The following KCNMB2 variants were observed in gnomAD, a reference collection of about 807,000 sequenced individuals.
The protein encoded by KCNMB2 is potassium calcium-activated channel subfamily M regulatory beta subunit 2.
A neutral mutation model predicts 24.5 loss-of-function variants in KCNMB2; 9 were observed. The observed-to-expected ratio is 0.37, with a 90% confidence interval of 0.22 to 0.64. The LOEUF (loss-of-function observed/expected upper bound fraction) is 0.64. Ranked by LOEUF, KCNMB2 falls within the 30% of genes least tolerant of loss-of-function variation. The pLI is 0.63. For missense variants in KCNMB2, 226 were observed against 284.3 expected, an observed-to-expected ratio of 0.79 and a Z score of 1.47; for synonymous variants, 109 against 104.4, an observed-to-expected ratio of 1.04 and a Z score of -0.27.
chr3:178,623,978 C>T (rs1577056249), intron 1 of KCNMB2, among the ~76,000 whole-genome samples: 1 of 152,284 alleles, frequency 6.6e-6, no homozygotes, highest in African/African-American at 2.4e-5. Context: ...ACAATAGCAT[C>T]ACAGGTATGA....
At chr3:178,728,155 T>C (rs777475433) in intron 1 of KCNMB2, among the ~76,000 whole-genome samples, 30 of 152,198 alleles carry the variant, frequency 2.0e-4, no homozygotes, top group Non-Finnish European at 4.1e-4. Context: ...TGGCAATGCA[T>C]ATTAATATTG....
At chr3:178,576,792 G>T (rs1364679161) in intron 1 of KCNMB2, among the ~76,000 whole-genome samples, 4 of 152,210 alleles carry the variant, frequency 2.6e-5, no homozygotes, top group African/African-American at 9.6e-5. Context: ...TGCCTGTCTA[G>T]ATTCATCCTC....
chr3:178,668,822 T>C (rs1341969890), intron 1 of KCNMB2, among the ~76,000 whole-genome samples: 2 of 152,176 alleles, frequency 1.3e-5, no homozygotes, highest in Non-Finnish European at 2.9e-5. Context: ...AGCAAGTGAT[T>C]ATAACATTAA....
intron 1 of KCNMB2, among the ~76,000 whole-genome samples, chr3:178,702,511 G>A (rs960784288): frequency 6.6e-6 from 1 of 151,956 alleles, no homozygotes; most frequent in Admixed American, 6.6e-5. Context: ...GCCTGGTTGA[G>A]TGTGAAACTG....
At chr3:178,751,882 T>C (rs562427916) in intron 1 of KCNMB2, among the ~76,000 whole-genome samples, 4 of 152,360 alleles carry the variant, frequency 2.6e-5, no homozygotes, top group East Asian at 1.9e-4. Context: ...GCTTTGCAGA[T>C]GTTACTTCTC....
intron 1 of KCNMB2, among the ~76,000 whole-genome samples, chr3:178,775,222 A>AT (rs1014976563): frequency 6.6e-6 from 1 of 152,060 alleles, no homozygotes; most frequent in East Asian, 1.9e-4. Flanking sequence ...CATAAATTAC[A>AT]TTTTTTTTAA....
At chr3:178,693,838 C>T (rs745902467) in intron 1 of KCNMB2, among the ~76,000 whole-genome samples, 1 of 151,566 alleles carries the variant, frequency 6.6e-6, no homozygotes, top group Non-Finnish European at 1.5e-5. Flanking sequence ...CTTCTTTGTA[C>T]ATCTGGTGAA....
intron 1 of KCNMB2, among the ~76,000 whole-genome samples, chr3:178,587,967 C>T (rs1382748118): frequency 1.3e-5 from 2 of 149,162 alleles, no homozygotes; most frequent in African/African-American, 5.0e-5. Context: ...TCAATTCCCA[C>T]CTATGAGTGA....
chr3:178,536,548 G>C lies in KCNMB2; in HGVS notation c.-231G>C, dbSNP rs1286192834. On this transcript the variant is annotated 5_prime_UTR_variant, in exon 1 of 5. Transcript: ENST00000452583. ...CTCTTTCAGACATTTTGAGCAGGGA[G>C]TATTAAAGCTATGAGTTAGAAAGGG... The C allele has an allele frequency of 6.6e-6, 1 of 152,212 alleles. No individual in the cohort carries two copies. The highest frequency in any genetic ancestry group is 2.4e-5 in the African/African-American group (1 of 41,464). The allele number at this position is 152,212 out of a possible 1,614,324, so 9.4% of individuals were successfully genotyped here.
intron 1 of KCNMB2, among the ~76,000 whole-genome samples, chr3:178,732,394 G>A (rs1723181404): frequency 6.6e-6 from 1 of 152,148 alleles, no homozygotes. Context: ...TGTGCAGAGA[G>A]GCAAAAAATT....
rs59279304 is a variant in KCNMB2, at chr3:178,650,082, G to C, written c.-68+113371G>C. On this transcript the variant is annotated intron_variant, in intron 1 of 4. Coordinates refer to ENST00000452583, the MANE Select transcript of KCNMB2 (RefSeq NM_181361.3). ...GGTTTCAAAGAACTTATTTATTTCT[G>C]CCTTAATTTCATTATTTACCCAGTA... 2.2e-3 allele frequency among the ~76,000 whole-genome samples: 329 copies of C among 152,206 alleles called. 2 individuals are homozygous for C. The highest frequency in any genetic ancestry group is 7.3e-3 in the African/African-American group (303 of 41,530).
chr3:178,779,337 G>A (rs1712726469), intron 1 of KCNMB2, among the ~76,000 whole-genome samples: 1 of 152,172 alleles, frequency 6.6e-6, no homozygotes, highest in African/African-American at 2.4e-5. Context: ...CTTGAAGTAA[G>A]GCACTGCAAA....
At chr3:178,700,364 G>C (rs1189618898) in intron 1 of KCNMB2, among the ~76,000 whole-genome samples, 4 of 152,072 alleles carry the variant, frequency 2.6e-5, no homozygotes, top group Non-Finnish European at 5.9e-5. Context: ...AAGCCTAAAG[G>C]CTTAATAAAG....
intron 2 of KCNMB2, among the ~76,000 whole-genome samples, chr3:178,825,110 A>T (rs1714784064): frequency 6.6e-6 from 1 of 152,180 alleles, no homozygotes; most frequent in Non-Finnish European, 1.5e-5. Flanking sequence ...TCTACCTATC[A>T]CTACTGAAGA....
chr3:178,689,551 G>A (rs1027692939), intron 1 of KCNMB2, among the ~76,000 whole-genome samples: 1 of 152,142 alleles, frequency 6.6e-6, no homozygotes, highest in African/African-American at 2.4e-5. Context: ...CAAGAGAATG[G>A]CGTGAACCCA....
chr3:178,783,523 G>C (rs1712962791), intron 1 of KCNMB2, among the ~76,000 whole-genome samples: 2 of 150,418 alleles, frequency 1.3e-5, no homozygotes, highest in South Asian at 2.1e-4. Context: ...TTGTAAGGTG[G>C]ATTCCTAGGT....
chr3:178,698,626 C>T (rs1038472263), intron 1 of KCNMB2, among the ~76,000 whole-genome samples: 1 of 152,176 alleles, frequency 6.6e-6, no homozygotes, highest in Non-Finnish European at 1.5e-5. Context: ...TCATTTCAGC[C>T]ATCTTAGCTC....
rs1718155712 is a variant in KCNMB2, at chr3:178,603,259, T to C, written c.-68+66548T>C. ...TCAAGTGTAAGTTATTTCAAATGTA[T>C]ATATCAGATTTACACAAAGCAGGTA... On this transcript the variant is annotated intron_variant, in intron 1 of 4. Coordinates refer to ENST00000452583, the MANE Select transcript of KCNMB2 (RefSeq NM_181361.3). Among the ~76,000 whole-genome samples, 3 of 152,300 alleles carry C rather than the reference T, an allele frequency of 2.0e-5. No individual in the cohort carries two copies. The South Asian group carries it at 6.2e-4, about 32-fold the overall frequency.
At chr3:178,795,393 A>G (rs964294940) in intron 1 of KCNMB2, among the ~76,000 whole-genome samples, 1 of 152,360 alleles carries the variant, frequency 6.6e-6, no homozygotes, top group Admixed American at 6.5e-5. Flanking sequence ...AAGTGCTTAC[A>G]TCACGACTCC....
Sources: allele counts gnomAD v4.1 joint callset (sites outside exome capture counted in the v4.1 genomes callset), GRCh38; gene constraint gnomAD v4.1.1; transcripts MANE v1.5; gene names NCBI Gene and HGNC (gene_info 2026-07-23, HGNC 2026-07-21).